The following PCLO variants were observed in gnomAD, a reference collection of about 807,000 sequenced individuals.
PCLO encodes the protein protein piccolo.
In PCLO, 82 loss-of-function variants were observed where a neutral mutation model predicts 427.5. That is an observed-to-expected ratio of 0.19 (90% CI 0.16 to 0.23). The LOEUF (loss-of-function observed/expected upper bound fraction) is 0.23, where lower values mean the gene tolerates loss of function less well. PCLO is among the 10% of genes least tolerant of loss of function. The pLI is 1.00. For synonymous variants in PCLO, 2,357 were observed against 2,155.4 expected (o/e 1.09, Z -2.59); for missense variants, 6,239 against 6,115.9 (o/e 1.02, Z -0.67).
intron 3 of PCLO, among the ~76,000 whole-genome samples, chr7:83,084,065 G>T (rs1383886933): frequency 6.6e-6 from 1 of 152,086 alleles, no homozygotes; most frequent in Non-Finnish European, 1.5e-5. Context: ...TAATGAAGAG[G>T]ATCTCTTCCA....
intron 6 of PCLO, among the ~76,000 whole-genome samples, chr7:82,936,536 A>AG (rs35990355): frequency 0.61 from 92,092 of 151,258 alleles, 29,192 homozygotes; most frequent in East Asian, 0.8. Context: ...AGTATTGGAA[A>AG]GATGTAGGGA....
chr7:82,938,030 T>C (rs1794997380), intron 6 of PCLO, among the ~76,000 whole-genome samples: 1 of 151,864 alleles, frequency 6.6e-6, no homozygotes, highest in African/African-American at 2.4e-5. Flanking sequence ...AAGGTCTATT[T>C]GGATGACAAA....
chr7:82,860,082 C>T (rs768508551), intron 10 of PCLO, among the ~76,000 whole-genome samples: 99 of 151,820 alleles, frequency 6.5e-4, no homozygotes, highest in Non-Finnish European at 1.2e-3. Flanking sequence ...ATCTAGGAAA[C>T]GCCTCAAAAG....
At position 82,911,910 on chromosome 7, in the gene PCLO, C is replaced by T. The variant is rs902858829; in HGVS notation, c.13300+2776G>A. ...TGCTGGAATTACAGGCGTGAGCCAC[C>T]ACGTCTGGCCTGTTTCTAGCGTGCT... is the stretch of plus-strand genomic sequence containing the variant. On this transcript the variant is annotated intron_variant, in intron 7 of 24. Coordinates refer to ENST00000333891, the MANE Select transcript of PCLO (RefSeq NM_033026.6). 2.6e-5 allele frequency among the ~76,000 whole-genome samples: 4 copies of T among 152,072 alleles called. 1 individual carries two copies. In the South Asian group the frequency reaches 8.3e-4, roughly 32 times the overall value.
intron 3 of PCLO, among the ~76,000 whole-genome samples, chr7:83,023,177 G>C (rs1333628869): frequency 1.3e-5 from 2 of 152,242 alleles, no homozygotes; most frequent in Non-Finnish European, 1.5e-5. Context: ...AAAAAGCTAA[G>C]AGTATATGGC....
intron 3 of PCLO, among the ~76,000 whole-genome samples, chr7:83,116,145 T>C (rs1273022696): frequency 1.3e-5 from 2 of 152,062 alleles, no homozygotes; most frequent in Non-Finnish European, 2.9e-5. Context: ...CCATCATCAG[T>C]AGTGCAGACT....
intron 3 of PCLO, among the ~76,000 whole-genome samples, chr7:83,126,532 T>C (rs948417607): frequency 6.6e-6 from 1 of 151,802 alleles, no homozygotes; most frequent in African/African-American, 2.4e-5. Flanking sequence ...AAATTAAAAA[T>C]GTAAAAGTAA....
chr7:82,933,988 T>C lies in PCLO; in HGVS notation c.11112+15488A>G, dbSNP rs183775323. 1.8e-3 allele frequency among the ~76,000 whole-genome samples: 266 copies of C among 151,442 alleles called. 2 individuals are homozygous for C. The highest frequency in any genetic ancestry group is 2.1e-3 in the Non-Finnish European group (140 of 67,664). Reference sequence around the variant, plus strand: ...TGCCTCTCTGAAATCATTACATATGTTTACCTCACTTGCCAATTAAGGCAA... The same window carrying C: ...TGCCTCTCTGAAATCATTACATATGCTTACCTCACTTGCCAATTAAGGCAA... On this transcript the variant is annotated intron_variant, in intron 6 of 24. Transcript: ENST00000333891.
At chr7:83,143,044 T>C (rs1338647859) in intron 2 of PCLO, among the ~76,000 whole-genome samples, 1 of 152,236 alleles carries the variant, frequency 6.6e-6, no homozygotes, top group Admixed American at 6.5e-5. Context: ...CGGTAAACTA[T>C]GCAAAAGGCT....
intron 3 of PCLO, among the ~76,000 whole-genome samples, chr7:83,090,592 G>C (rs568963261): frequency 6.6e-6 from 1 of 152,054 alleles, no homozygotes; most frequent in African/African-American, 2.4e-5. Context: ...CTTTCATTTA[G>C]GTCCTTTTCC....
At chr7:83,019,275 T>C (rs907604176) in intron 3 of PCLO, among the ~76,000 whole-genome samples, 6 of 151,966 alleles carry the variant, frequency 3.9e-5, no homozygotes, top group Non-Finnish European at 7.4e-5. Flanking sequence ...GTATTTTAAA[T>C]CTTTTGCGGG....
intron 22 of PCLO, among the ~76,000 whole-genome samples, chr7:82,782,688 T>C (rs1790898256): frequency 6.6e-6 from 1 of 152,242 alleles, no homozygotes; most frequent in Admixed American, 6.5e-5. Flanking sequence ...TAGTATAGAA[T>C]ATCAAAATCC....
At chr7:82,882,538 A>C (rs897798818) in intron 9 of PCLO, among the ~76,000 whole-genome samples, 4 of 152,206 alleles carry the variant, frequency 2.6e-5, no homozygotes, top group African/African-American at 9.6e-5. Context: ...TAAGTGCTTT[A>C]CTAAAAAAGA....
At chr7:82,941,172 G>C (rs767973447) in intron 6 of PCLO, among the ~76,000 whole-genome samples, 2 of 151,700 alleles carry the variant, frequency 1.3e-5, no homozygotes, top group Non-Finnish European at 2.9e-5. Context: ...TCCCTTTGCT[G>C]TTTAAAGCTT....
chr7:83,111,637 C>A (rs756420403), intron 3 of PCLO, among the ~76,000 whole-genome samples: 1 of 152,180 alleles, frequency 6.6e-6, no homozygotes, highest in Non-Finnish European at 1.5e-5. Flanking sequence ...CTGCCAACAA[C>A]CTGAGTAACT....
At chr7:83,150,615 C>T (rs1792105760) in intron 2 of PCLO, among the ~76,000 whole-genome samples, 1 of 150,886 alleles carries the variant, frequency 6.6e-6, no homozygotes, top group East Asian at 1.9e-4. Flanking sequence ...TCTAGTCCTT[C>T]CTTCCTTCCT....
At chr7:82,867,079 AG>A (rs1793113305) in intron 10 of PCLO, among the ~76,000 whole-genome samples, 1 of 152,202 alleles carries the variant, frequency 6.6e-6, no homozygotes, top group African/African-American at 2.4e-5. Flanking sequence ...CAAAATTAAA[AG>A]GAAGACAAAC....
At chr7:82,789,210 A>C (rs1275767772) in intron 22 of PCLO, among the ~76,000 whole-genome samples, 1 of 152,164 alleles carries the variant, frequency 6.6e-6, no homozygotes, top group Non-Finnish European at 1.5e-5. Context: ...AGAGCTCTAA[A>C]ACACCCATAA....
intron 17 of PCLO, among the ~76,000 whole-genome samples, chr7:82,827,215 T>G (rs374821805): frequency 1.8e-4 from 28 of 152,118 alleles, no homozygotes; most frequent in African/African-American, 6.8e-4. Context: ...TTGGTTTATG[T>G]GGGAACTGTC....
Sources: allele counts gnomAD v4.1 joint callset (sites outside exome capture counted in the v4.1 genomes callset), GRCh38; gene constraint gnomAD v4.1.1; transcripts MANE v1.5; gene names NCBI Gene and HGNC (gene_info 2026-07-23, HGNC 2026-07-21).